The following STON2 variants were observed in gnomAD, a reference collection of about 807,000 sequenced individuals.
STON2 encodes the protein stonin-2.
In STON2, 29 loss-of-function variants were observed where a neutral mutation model predicts 65.7. The observed-to-expected ratio is 0.44, with a 90% confidence interval of 0.33 to 0.60. The LOEUF (loss-of-function observed/expected upper bound fraction) is 0.60, where lower values mean the gene tolerates loss of function less well. Ranked by LOEUF, STON2 falls within the 20% of genes least tolerant of loss-of-function variation. STON2 has a pLI of 0.03. For missense variants in STON2, 1,054 were observed against 1,118.1 expected (o/e 0.94, Z 0.82); for synonymous variants, 404 against 414.2 (o/e 0.98, Z 0.30).
intron 2 of STON2, chr14:81,426,997 T>C (rs1566955526): frequency 6.6e-6 from 1 of 152,220 alleles, no homozygotes; most frequent in East Asian, 1.9e-4. Flanking sequence ...CAAAGTGCTT[T>C]ACTGTTCATT....
chr14:81,400,631 G>C (rs1291681574), upstream of STON2, among the ~76,000 whole-genome samples: 1 of 152,118 alleles, frequency 6.6e-6, no homozygotes, highest in African/African-American at 2.4e-5. Flanking sequence ...GGGGACGAAG[G>C]TGAAGGTAAG....
intron 7 of STON2, chr14:81,269,280 A>C (rs1595265542): frequency 1.0e-6 from 1 of 979,404 alleles, no homozygotes; most frequent in Non-Finnish European, 1.2e-6. Context: ...GTCTGGGATT[A>C]CAGCCATGAG....
chr14:81,280,438 C>T (rs183024774), intron 5 of STON2, among the ~76,000 whole-genome samples: 1 of 152,258 alleles, frequency 6.6e-6, no homozygotes, highest in Non-Finnish European at 1.5e-5. Context: ...CCATTCTCTA[C>T]GTCTCTGCAG....
chr14:81,351,618 A>G (rs1898028838), intron 4 of STON2, among the ~76,000 whole-genome samples: 1 of 152,234 alleles, frequency 6.6e-6, no homozygotes, highest in African/African-American at 2.4e-5. Flanking sequence ...TAGAGGCACA[A>G]AGGTGCAAAA....
chr14:81,361,301 G>T (rs7147012), intron 4 of STON2, among the ~76,000 whole-genome samples: 56,167 of 151,934 alleles, frequency 0.37, 10,633 homozygotes, highest in South Asian at 0.51. Context: ...AGCATAAAAA[G>T]AGACCCATTA....
intron 5 of STON2, among the ~76,000 whole-genome samples, chr14:81,295,756 G>A (rs1321411904): frequency 5.9e-5 from 9 of 152,290 alleles, no homozygotes; most frequent in Non-Finnish European, 1.0e-4. Flanking sequence ...TGGTTTTACA[G>A]ATGTTCAAGT....
intron 4 of STON2, among the ~76,000 whole-genome samples, chr14:81,354,253 CT>C (rs1566923277): frequency 6.6e-6 from 1 of 152,230 alleles, no homozygotes; most frequent in Non-Finnish European, 1.5e-5. Context: ...GCCCAGCCAG[CT>C]GCCCCATCCA....
chr14:81,387,800 G>A (rs1385797143), intron 3 of STON2, among the ~76,000 whole-genome samples: 2 of 151,008 alleles, frequency 1.3e-5, no homozygotes, highest in African/African-American at 2.4e-5. Flanking sequence ...GCTGAGGCAG[G>A]AGAATCACTT....
At chr14:81,377,401 T>C (rs1899304279) in intron 3 of STON2, among the ~76,000 whole-genome samples, 1 of 152,236 alleles carries the variant, frequency 6.6e-6, no homozygotes, top group Non-Finnish European at 1.5e-5. Flanking sequence ...TCAGTTAGTT[T>C]CCTTCTTTCT....
At chr14:81,291,311 G>A (rs1161039608) in intron 5 of STON2, among the ~76,000 whole-genome samples, 1 of 152,142 alleles carries the variant, frequency 6.6e-6, no homozygotes, top group Non-Finnish European at 1.5e-5. Flanking sequence ...CACAAAGCCA[G>A]TATGGATATA....
chr14:81,426,675 G>A (rs774788912), intron 2 of STON2, among the ~76,000 whole-genome samples: 2 of 152,092 alleles, frequency 1.3e-5, no homozygotes, highest in Non-Finnish European at 2.9e-5. Flanking sequence ...CCCCTCGCCC[G>A]AAACATCGAG....
intron 5 of STON2, among the ~76,000 whole-genome samples, chr14:81,312,696 T>C (rs1189140426): frequency 6.6e-6 from 1 of 152,240 alleles, no homozygotes; most frequent in Non-Finnish European, 1.5e-5. Context: ...TGTTTAAACA[T>C]AACTGATGTA....
At chr14:81,276,762 AC>A (rs1350823192) in intron 6 of STON2, 138 bp downstream of exon 6, 1 of 962,326 alleles carries the variant, frequency 1.0e-6, no homozygotes, top group East Asian at 2.4e-5. Flanking sequence ...AATTATTTTT[AC>A]TTTTCTGGTC....
intron 4 of STON2, among the ~76,000 whole-genome samples, chr14:81,338,988 T>A (rs530647401): frequency 6.6e-6 from 1 of 151,524 alleles, no homozygotes; most frequent in Non-Finnish European, 1.5e-5. Flanking sequence ...CCCAAAGGAG[T>A]AAAGCAAAGA....
intron 7 of STON2, chr14:81,270,126 C>T: frequency 1.2e-6 from 1 of 822,634 alleles, no homozygotes; most frequent in South Asian, 5.5e-5. Flanking sequence ...CTCGCTCTGT[C>T]ACTCAGGCTG....
At chr14:81,303,055 G>GT (rs1491422304) in intron 5 of STON2, among the ~76,000 whole-genome samples, 9 of 50,770 alleles carry the variant, frequency 1.8e-4, no homozygotes, top group Non-Finnish European at 2.6e-4. Context: ...GTACATGTGT[G>GT]GGGGGTGTGT....
At chr14:81,340,133 G>T (rs755906231) in intron 4 of STON2, among the ~76,000 whole-genome samples, 1 of 152,188 alleles carries the variant, frequency 6.6e-6, no homozygotes, top group Non-Finnish European at 1.5e-5. Flanking sequence ...CAGCCTGGGC[G>T]ACAGAGCGAG....
intron 4 of STON2, among the ~76,000 whole-genome samples, chr14:81,357,753 T>C (rs1424787280): frequency 2.6e-5 from 4 of 151,930 alleles, no homozygotes; most frequent in East Asian, 1.9e-4. Flanking sequence ...ATGGATGAAA[T>C]TGGAAGTCAT....
chr14:81,366,649 C>T (rs1647002345), intron 4 of STON2, among the ~76,000 whole-genome samples: 1 of 151,980 alleles, frequency 6.6e-6, no homozygotes. Context: ...CCAATCATAC[C>T]GAACTCCCCA....
Sources: gnomAD v4.1 joint callset for allele counts (sites outside exome capture counted in the v4.1 genomes callset) on GRCh38, gnomAD v4.1.1 for gene constraint, MANE v1.5 for transcripts, NCBI Gene and HGNC (gene_info 2026-07-23, HGNC 2026-07-21) for gene names.